Variants in TIMELESS observed in about 807,000 individuals in gnomAD.
TIMELESS encodes timeless circadian regulator.
Under a neutral mutation model 164.3 loss-of-function variants are expected in TIMELESS, and 124 were observed. The observed-to-expected ratio is 0.75, with a 90% confidence interval of 0.65 to 0.88. The LOEUF (loss-of-function observed/expected upper bound fraction) is 0.88. Among genes scored for constraint, TIMELESS ranks in the 40% least tolerant of loss-of-function variants. The pLI is 0.00. For synonymous variants in TIMELESS, 564 were observed against 563.4 expected (o/e 1.00, Z -0.02); for missense variants, 1,422 against 1,491.4 (o/e 0.95, Z 0.77).
Position 56,430,926 on chromosome 12 carries a change from T to C in TIMELESS, c.864A>G (p.Lys288=). The part of the protein sequence containing the change: ...FGGSYIVQGL[K]SIGERDLIFH... ...AGATGAGGTCCCTCTCCCCAATGGA[T>C]TTCAACCCCTGGACAATATAGGAGC... Residue 288 remains lysine (K), a synonymous_variant, in exon 9 of 29, where the codon AAA becomes AAG. Transcript: ENST00000553532. The C allele has an allele frequency of 6.2e-7, 1 of 1,606,546 alleles. No individual in the cohort carries two copies. The highest frequency in any genetic ancestry group is 8.5e-7 in the Non-Finnish European group (1 of 1,176,796).
rs561989323 is a variant in TIMELESS at position 56,429,924 on chromosome 12, C to T, written c.1086+181G>A. On this transcript the variant is annotated intron_variant, in intron 10 of 28. Transcript: ENST00000553532. ...CCTCTTTTGTCATGCCAGGAGCCCACTCGTTCCTGGCATTTTCACTATCTC... is the reference window on the plus strand; with the variant it reads ...CCTCTTTTGTCATGCCAGGAGCCCATTCGTTCCTGGCATTTTCACTATCTC... Among the ~76,000 whole-genome samples the T allele has an allele frequency of 2.6e-5, 4 of 152,026 alleles. No homozygotes were observed. The South Asian group carries it at 6.2e-4, about 24-fold the overall frequency.
In TIMELESS at chr12:56,428,600, T is replaced by A; in HGVS notation, c.1357A>T (p.Met453Leu). 6.2e-7 allele frequency: 1 copy of A among 1,614,114 alleles called. No homozygotes were observed. The highest frequency in any genetic ancestry group is 8.5e-7 in the Non-Finnish European group (1 of 1,180,018). The change falls in exon 12 of 29, where the codon ATG (methionine) becomes TTG (leucine). Residue 453 changes from methionine (M) to leucine (L), a missense_variant. By Grantham distance (15) the Met-to-Leu change is conservative. Transcript: ENST00000553532. The stretch of plus-strand genomic sequence containing the variant: ...ACAGCCTCATCTGGAGATATGTCCA[T>A]CTCATTCACTGTTGCCAGCAGCTCC... ...YQELLATVNEMDISPDEAVRE... is the reference protein window; with the variant it reads ...YQELLATVNELDISPDEAVRE...
intron 1 of TIMELESS, among the ~76,000 whole-genome samples, chr12:56,440,480 C>T (rs940567755): frequency 6.6e-6 from 1 of 152,076 alleles, no homozygotes; most frequent in Non-Finnish European, 1.5e-5. Flanking sequence ...ACTCTACCTG[C>T]CCCAAACCAA....
At chr12:56,437,719 A>G (rs1882117506) in intron 1 of TIMELESS, among the ~76,000 whole-genome samples, 1 of 152,184 alleles carries the variant, frequency 6.6e-6, no homozygotes, top group Non-Finnish European at 1.5e-5. Flanking sequence ...ATCAAGACCA[A>G]ACCAGCAAGG....
chr12:56,420,064 GTGTGTGTATA>G (rs1223022798), intron 26 of TIMELESS, among the ~76,000 whole-genome samples: 21 of 90,558 alleles, frequency 2.3e-4, no homozygotes, highest in Non-Finnish European at 4.2e-4. Context: ...GTGTGTGTGT[GTGTGTGTATA>G]TATATATATA....
At chr12:56,430,565 C>T (rs1881842269) in intron 9 of TIMELESS, among the ~76,000 whole-genome samples, 2 of 151,864 alleles carry the variant, frequency 1.3e-5, no homozygotes, top group Non-Finnish European at 2.9e-5. Flanking sequence ...CAGGGTTTTG[C>T]CATGTTGCCC....
rs1245725750 is a variant in TIMELESS at position 56,431,585 on chromosome 12, C to G, written c.707G>C (p.Gly236Ala). 1 of 1,613,068 alleles carries G rather than the reference C, an allele frequency of 6.2e-7. No individual in the cohort carries two copies. Among genetic ancestry groups the G allele is most frequent in the Non-Finnish European group, 8.5e-7 (1 of 1,179,766 alleles). ...CTGAGCTAAGCGTCCCTGCCCTACT[C>G]CCGCCAGCTGCTCGGGGTTCTAGAT... ...FRDQNPEQLA[G>A]VGQGRLAQER... The change falls in exon 8 of 29, where the codon GGA becomes GCA. Residue 236 changes from glycine to alanine, a missense_variant. Physicochemically the swap from Gly to Ala is moderately conservative, Grantham distance 60. Transcript: ENST00000553532.
chr12:56,424,018 A>G, intron 15 of TIMELESS, 124 bp from the exon 16 acceptor site: 1 of 834,838 alleles, frequency 1.2e-6, no homozygotes, highest in Non-Finnish European at 1.9e-6. Flanking sequence ...GCAAACTGTT[A>G]CCTCAAATGA....
chr12:56,430,431 T>C, intron 9 of TIMELESS, 150 bp from the exon 10 acceptor site: 1 of 918,172 alleles, frequency 1.1e-6, no homozygotes, highest in East Asian at 2.7e-5. Context: ...AATGATGCAA[T>C]CATAGCACAC....
chr12:56,440,756 A>G (rs952878863), intron 1 of TIMELESS, among the ~76,000 whole-genome samples: 2 of 152,262 alleles, frequency 1.3e-5, no homozygotes, highest in African/African-American at 4.8e-5. Context: ...AGCAGTCTGC[A>G]TCAAGGTAAG....
chr12:56,446,061 C>T (rs1304155490), intron 1 of TIMELESS, among the ~76,000 whole-genome samples: 1 of 152,148 alleles, frequency 6.6e-6, no homozygotes. Flanking sequence ...TACATCACCA[C>T]ACCCTGCTAA....
In TIMELESS at chr12:56,422,125, G is replaced by A. The variant is rs764646065; in HGVS notation, c.2505C>T (p.Leu835=). Residue 835 remains leucine, a synonymous_variant, in exon 20 of 29, where the codon CTC becomes CTT. Transcript: ENST00000553532. ...EEEAHLRELY[L]ANKDVEGQDV... ...TCTCACCTTCCACGTCCTTATTGGC[G>A]AGGTACAGCTCCCGAAGATGAGCCT... is the stretch of plus-strand genomic sequence containing the variant. 4.5e-5 allele frequency: 72 copies of A among 1,613,992 alleles called. No homozygotes were observed. In the Admixed American group the frequency reaches 9.7e-4, roughly 22 times the overall value.
intron 1 of TIMELESS, among the ~76,000 whole-genome samples, chr12:56,440,178 G>A (rs61937719): frequency 6.8e-5 from 8 of 117,942 alleles, no homozygotes; most frequent in South Asian, 2.7e-4. Context: ...TTGCTCTGTC[G>A]CCCAGGCTGG....
chr12:56,423,294 G>A lies in TIMELESS; in HGVS notation c.2272C>T (p.Pro758Ser), dbSNP rs376455275. The change falls in exon 18 of 29, where the codon CCT becomes TCT. Residue 758 changes from proline (P) to serine (S), a missense_variant. Transcript: ENST00000553532. ...FCLFNRLLSD[P>S]AAGAYKELVT... ...CTCACTTTGTAGGCTCCAGCAGCAGGGTCACTAAGCAGACGATTGAAGAGG... is the reference window on the plus strand; with the variant it reads ...CTCACTTTGTAGGCTCCAGCAGCAGAGTCACTAAGCAGACGATTGAAGAGG... The A allele has an allele frequency of 1.4e-5, 22 of 1,613,870 alleles. No homozygotes were observed. Among genetic ancestry groups the A allele is most frequent in the Non-Finnish European group, 1.7e-5 (20 of 1,180,020 alleles).
Position 56,423,836 on chromosome 12 carries a change from T to A in TIMELESS, c.1927A>T (p.Ile643Phe). ...GAGAGGATTTGTTTCAGCAACTGGATCTCTTCCTCTGGAGAAATGTCTTGA... is the reference window on the plus strand; with the variant it reads ...GAGAGGATTTGTTTCAGCAACTGGAACTCTTCCTCTGGAGAAATGTCTTGA... ...GSQDISPEEE[I>F]QLLKQILSAP... is the part of the protein sequence containing the mutation. The change falls in exon 16 of 29, where the codon ATC becomes TTC. Residue 643 changes from isoleucine to phenylalanine, a missense_variant. Coordinates refer to ENST00000553532, the MANE Select transcript of TIMELESS (RefSeq NM_003920.5). 1 of 1,614,154 alleles carries A rather than the reference T, an allele frequency of 6.2e-7. No homozygotes were observed. The highest frequency in any genetic ancestry group is 8.5e-7 in the Non-Finnish European group (1 of 1,180,030).
At chr12:56,432,973 A>AAAG (rs1881942483) in intron 6 of TIMELESS, 53 bp downstream of exon 6, 45 of 1,227,780 alleles carry the variant, frequency 3.7e-5, no homozygotes, top group Non-Finnish European at 4.6e-5. Flanking sequence ...AAAAAAAAAA[A>AAAG]AGGCAGCTCA....
chr12:56,432,593 A>G, intron 6 of TIMELESS, 69 bp from the exon 7 acceptor site: 1 of 1,564,626 alleles, frequency 6.4e-7, no homozygotes, highest in Non-Finnish European at 8.7e-7. Flanking sequence ...GAAGCTCTCC[A>G]ACTCATTCTT....
chr12:56,446,759 G>A (rs1826730), intron 1 of TIMELESS, among the ~76,000 whole-genome samples: 51,192 of 149,000 alleles, frequency 0.34, 10,410 homozygotes, highest in East Asian at 0.66. Flanking sequence ...TTGAACCTGG[G>A]AGACCACGCC....
chr12:56,434,072 A>C lies in TIMELESS; in HGVS notation c.97+2T>G. The C allele has an allele frequency of 1.2e-6, 2 of 1,613,826 alleles. No homozygotes were observed. Among genetic ancestry groups the C allele is most frequent in the Non-Finnish European group, 1.7e-6 (2 of 1,179,764 alleles). ...TTCCTGTTTCATCAAAAAGGTACTC[A>C]CCTAAGCAATCTGGTTCCTTATGGT... On this transcript the variant is annotated splice_donor_variant, in intron 2 of 28. Coordinates refer to ENST00000553532, the MANE Select transcript of TIMELESS (RefSeq NM_003920.5). LOFTEE classifies it high-confidence loss of function.
Sources: gnomAD v4.1 joint callset for allele counts (sites outside exome capture counted in the v4.1 genomes callset) on GRCh38, gnomAD v4.1.1 for gene constraint, MANE v1.5 for transcripts, NCBI Gene and HGNC (gene_info 2026-07-23, HGNC 2026-07-21) for gene names.